SYCP1: variants seen among roughly 807,000 people sequenced by gnomAD.
SYCP1 encodes the protein synaptonemal complex protein 1.
Under a neutral mutation model 153.1 loss-of-function variants are expected in SYCP1, and 64 were observed. The ratio of observed to expected loss-of-function variants is 0.42; its 90% CI spans 0.34 to 0.51. The LOEUF (loss-of-function observed/expected upper bound fraction) is 0.51, where lower values mean the gene tolerates loss of function less well. Ranked by LOEUF, SYCP1 falls within the 20% of genes least tolerant of loss-of-function variation. SYCP1 has a pLI of 0.06. For synonymous variants in SYCP1, 384 were observed against 341.8 expected (o/e 1.12, Z -1.36); for missense variants, 997 against 1,049.0 (o/e 0.95, Z 0.68).
At chr1:114,866,409 C>T (rs935773764) in intron 8 of SYCP1, among the ~76,000 whole-genome samples, 10 of 152,158 alleles carry the variant, frequency 6.6e-5, no homozygotes, top group African/African-American at 1.9e-4. Flanking sequence ...CTTTGTTGTT[C>T]TAAATTGCAT....
chr1:114,944,632 A>G (rs1342884798), intron 24 of SYCP1, among the ~76,000 whole-genome samples, 177 bp downstream of exon 24: 1 of 151,776 alleles, frequency 6.6e-6, no homozygotes, highest in Non-Finnish European at 1.5e-5. Flanking sequence ...TATCCTTGCT[A>G]TTCTAAGTAT....
chr1:114,934,477 G>A (rs574272949), intron 23 of SYCP1, among the ~76,000 whole-genome samples: 2 of 152,108 alleles, frequency 1.3e-5, no homozygotes, highest in African/African-American at 2.4e-5. Context: ...AAAGACCATC[G>A]ATGCTAGGAA....
chr1:114,954,755 C>G (rs1671331023), intron 27 of SYCP1, among the ~76,000 whole-genome samples: 1 of 151,740 alleles, frequency 6.6e-6, no homozygotes. Context: ...TAATTTTTGT[C>G]TTTGTACTAG....
chr1:114,907,522 G>A (rs1242671318), intron 16 of SYCP1, among the ~76,000 whole-genome samples: 1 of 149,908 alleles, frequency 6.7e-6, no homozygotes, highest in Admixed American at 6.6e-5. Context: ...ATTACAGCAT[G>A]TATCCATTAC....
chr1:114,863,998 G>A (rs939729789), intron 8 of SYCP1, among the ~76,000 whole-genome samples: 5 of 151,222 alleles, frequency 3.3e-5, no homozygotes, highest in Non-Finnish European at 7.4e-5. Flanking sequence ...GGGAGGGAGA[G>A]CATTAGGACA....
chr1:114,943,114 T>C (rs1413119590), intron 23 of SYCP1, among the ~76,000 whole-genome samples: 1 of 151,860 alleles, frequency 6.6e-6, no homozygotes, highest in Non-Finnish European at 1.5e-5. Context: ...CAACTCTTGG[T>C]GAAGTTGTGA....
chr1:114,856,799 G>A (rs1663973696), intron 3 of SYCP1, 142 bp downstream of exon 3: 1 of 632,040 alleles, frequency 1.6e-6, no homozygotes, highest in East Asian at 3.1e-5. Context: ...TAAAAAATAA[G>A]GCTGGACACG....
At chr1:114,893,349 C>CATCTGT (rs773088161) in intron 15 of SYCP1, among the ~76,000 whole-genome samples, 5 of 151,670 alleles carry the variant, frequency 3.3e-5, no homozygotes, top group African/African-American at 4.8e-5. Flanking sequence ...TCTGTATCTC[C>CATCTGT]ATCTGTATCT....
In SYCP1 at chr1:114,874,561, T is replaced by A. The variant is rs369826248; in HGVS notation, c.654T>A (p.Ile218=). ...TTTATATGGATCTAAATAATAACATTGAGGTGAGTGTTAATGAAATCTGAG... is the reference window on the plus strand; with the variant it reads ...TTTATATGGATCTAAATAATAACATAGAGGTGAGTGTTAATGAAATCTGAG... The part of the protein sequence containing the change: ...RQVYMDLNNN[I]EKMITAFEEL... The change falls in exon 9 of 32, where the codon ATT becomes ATA. Residue 218 remains isoleucine, a synonymous_variant. Coordinates refer to ENST00000369522, the MANE Select transcript of SYCP1 (RefSeq NM_003176.4). 1 of 1,568,836 alleles carries A rather than the reference T, an allele frequency of 6.4e-7. No homozygotes were observed.
intron 27 of SYCP1, among the ~76,000 whole-genome samples, chr1:114,954,582 T>TA (rs368450661): frequency 9.4e-5 from 13 of 137,910 alleles, no homozygotes; most frequent in African/African-American, 2.5e-4. Flanking sequence ...TTTATTTATT[T>TA]TTTATTTATT....
intron 8 of SYCP1, among the ~76,000 whole-genome samples, chr1:114,873,629 C>T (rs756212710): frequency 2.6e-5 from 4 of 152,190 alleles, no homozygotes; most frequent in African/African-American, 4.8e-5. Context: ...TAGTTCAAAA[C>T]GGCTTTTCCT....
chr1:114,950,072 A>T (rs993614547), intron 27 of SYCP1, among the ~76,000 whole-genome samples: 1 of 152,216 alleles, frequency 6.6e-6, no homozygotes, highest in Admixed American at 6.5e-5. Flanking sequence ...TCCCAAAGGA[A>T]GAATTATGTA....
chr1:114,887,570 T>C (rs1666399465), intron 14 of SYCP1, 56 bp from the exon 15 acceptor site: 6 of 1,180,066 alleles, frequency 5.1e-6, no homozygotes. Flanking sequence ...ATTTTAGTTA[T>C]GAGATGAATT....
intron 16 of SYCP1, among the ~76,000 whole-genome samples, chr1:114,904,723 A>C (rs1028979362): frequency 1.1e-4 from 16 of 152,322 alleles, no homozygotes; most frequent in Middle Eastern, 3.4e-3. Context: ...GCCTTATTGC[A>C]TGGCCTCAGA....
chr1:114,885,617 A>G lies in SYCP1; in HGVS notation c.993A>G (p.Leu331=), dbSNP rs376370750. 20 of 1,569,200 alleles carry G rather than the reference A, an allele frequency of 1.3e-5. No individual in the cohort carries two copies. Among genetic ancestry groups the G allele is most frequent in the Non-Finnish European group, 1.6e-5 (18 of 1,153,986 alleles). Residue 331 remains leucine (L), a synonymous_variant, in exon 13 of 32, where the codon TTA becomes TTG. Coordinates refer to ENST00000369522, the MANE Select transcript of SYCP1 (RefSeq NM_003176.4). ...AACTAGAAGATATTAAAGTGTCATTACAAAGAAGTGTGGTATGATTTAAAA... is the reference window on the plus strand; with the variant it reads ...AACTAGAAGATATTAAAGTGTCATTGCAAAGAAGTGTGGTATGATTTAAAA... ...TKELEDIKVS[L]QRSVSTQKAL...
intron 28 of SYCP1, among the ~76,000 whole-genome samples, chr1:114,978,336 A>T (rs1672933325): frequency 6.6e-6 from 1 of 151,574 alleles, no homozygotes; most frequent in South Asian, 2.1e-4. Flanking sequence ...TCTCAAGGGG[A>T]GTAATAAGGA....
At chr1:114,955,161 T>G (rs938349914) in intron 27 of SYCP1, among the ~76,000 whole-genome samples, 49 of 152,310 alleles carry the variant, frequency 3.2e-4, no homozygotes, top group African/African-American at 1.1e-3. Context: ...ATTGATATTA[T>G]CATATTATTT....
At chr1:114,961,264 A>G (rs1043045966) in intron 27 of SYCP1, among the ~76,000 whole-genome samples, 1 of 152,084 alleles carries the variant, frequency 6.6e-6, no homozygotes, top group Admixed American at 6.5e-5. Context: ...CAAATGGTCT[A>G]TCAATTTTGT....
chr1:114,925,633 C>G (rs1347711861), intron 21 of SYCP1, among the ~76,000 whole-genome samples: 1 of 152,012 alleles, frequency 6.6e-6, no homozygotes, highest in Non-Finnish European at 1.5e-5. Flanking sequence ...TTCCTCATCT[C>G]TCAAATGGAG....
Sources: gnomAD v4.1 joint callset for allele counts (sites outside exome capture counted in the v4.1 genomes callset) on GRCh38, gnomAD v4.1.1 for gene constraint, MANE v1.5 for transcripts, NCBI Gene and HGNC (gene_info 2026-07-23, HGNC 2026-07-21) for gene names.